The following THADA variants were observed in gnomAD, a reference collection of about 807,000 sequenced individuals.
THADA encodes the protein THADA armadillo repeat containing.
Under a neutral mutation model 219.8 loss-of-function variants are expected in THADA, and 213 were observed. That is an observed-to-expected ratio of 0.97 (90% confidence interval 0.87 to 1.09). THADA has a LOEUF of 1.09. Among genes scored for constraint, THADA ranks in the 50% least tolerant of loss-of-function variants. The pLI is 0.00. For synonymous variants in THADA, 1,018 were observed against 828.9 expected (o/e 1.23, Z -3.92); for missense variants, 2,956 against 2,311.3 (o/e 1.28, Z -5.72).
chr2:43,395,665 A>G (rs899083529), intron 29 of THADA, among the ~76,000 whole-genome samples: 58 of 152,250 alleles, frequency 3.8e-4, no homozygotes, highest in Middle Eastern at 3.2e-3. Flanking sequence ...AGTTTGCCAG[A>G]GGCTACAAGG....
intron 30 of THADA, chr2:43,333,362 G>C (rs1214933027): frequency 2.6e-5 from 4 of 151,968 alleles, no homozygotes; most frequent in African/African-American, 9.7e-5. Flanking sequence ...ATGTGACTTT[G>C]AACAAGCTGT....
At chr2:43,453,142 A>G (rs974295973) in intron 26 of THADA, among the ~76,000 whole-genome samples, 11 of 152,222 alleles carry the variant, frequency 7.2e-5, no homozygotes, top group African/African-American at 2.7e-4. Context: ...TTAAGACACA[A>G]TGCTGTCTAT....
chr2:43,544,555 C>G (rs1395860452), intron 20 of THADA, among the ~76,000 whole-genome samples: 4 of 151,930 alleles, frequency 2.6e-5, no homozygotes, highest in African/African-American at 7.3e-5. Context: ...TTTCATTGAG[C>G]AGTGGTTTGT....
At chr2:43,258,808 C>T (rs1670622389) in intron 36 of THADA, among the ~76,000 whole-genome samples, 1 of 152,178 alleles carries the variant, frequency 6.6e-6, no homozygotes, top group African/African-American at 2.4e-5. Context: ...CAAGTTTTCT[C>T]ATCCATTGGC....
intron 23 of THADA, 45 bp downstream of exon 23, chr2:43,508,602 CA>C: frequency 1.9e-6 from 3 of 1,592,118 alleles, no homozygotes; most frequent in Non-Finnish European, 2.6e-6. Context: ...ACACTATCAT[CA>C]AAAGACAAAT....
chr2:43,299,504 A>T (rs1035145681), intron 31 of THADA, among the ~76,000 whole-genome samples: 5 of 150,550 alleles, frequency 3.3e-5, no homozygotes, highest in African/African-American at 1.2e-4. Flanking sequence ...ACTAAAAAAA[A>T]TACAAAAATT....
At chr2:43,308,362 C>G (rs1298788775) in intron 31 of THADA, among the ~76,000 whole-genome samples, 1 of 151,450 alleles carries the variant, frequency 6.6e-6, no homozygotes, top group Non-Finnish European at 1.5e-5. Context: ...AATGGAATCA[C>G]AGAAAGAAAG....
chr2:43,503,966 T>C (rs1021375337), intron 24 of THADA, among the ~76,000 whole-genome samples: 1 of 152,142 alleles, frequency 6.6e-6, no homozygotes, highest in African/African-American at 2.4e-5. Context: ...CTGAAACTTT[T>C]TAAAGCACGG....
intron 15 of THADA, chr2:43,564,430 T>C (rs1268163988): frequency 6.6e-6 from 1 of 152,290 alleles, no homozygotes; most frequent in African/African-American, 2.4e-5. Context: ...CTCATGCCAA[T>C]CTCTACCTAC....
intron 29 of THADA, among the ~76,000 whole-genome samples, chr2:43,361,165 G>T (rs1019651185): frequency 6.6e-6 from 1 of 152,164 alleles, no homozygotes; most frequent in Admixed American, 6.5e-5. Flanking sequence ...AATGTCAATT[G>T]TGCTGAGGGT....
At position 43,574,926 on chromosome 2, in the gene THADA, T is replaced by C. The variant is rs1699698298; in HGVS notation, c.1139A>G (p.Asp380Gly). Residue 380 changes from aspartate (D) to glycine (G), a missense_variant, in exon 11 of 38, where the codon GAC becomes GGC. Coordinates refer to ENST00000405975, the MANE Select transcript of THADA (RefSeq NM_022065.5). ...VLESSSPSLT[D>G]SLNGNSSIVG... is the part of the protein sequence containing the mutation. ...TATACTTGAATTCCCATTCAGGCTG[T>C]CCGTTAGGCTCGGGGAACTTGATTC... 3 of 1,614,018 alleles carry C rather than the reference T, an allele frequency of 1.9e-6. No homozygotes were observed. In the East Asian group the frequency reaches 6.7e-5, roughly 36 times the overall value.
At chr2:43,470,403 G>A (rs944224715) in intron 26 of THADA, among the ~76,000 whole-genome samples, 4 of 151,762 alleles carry the variant, frequency 2.6e-5, no homozygotes, top group Non-Finnish European at 5.9e-5. Context: ...TTAAAAACTA[G>A]GGGGGAAACG....
intron 16 of THADA, among the ~76,000 whole-genome samples, chr2:43,557,439 TAGTTC>T (rs1488602103): frequency 2.0e-5 from 3 of 152,164 alleles, no homozygotes; most frequent in African/African-American, 7.2e-5. Flanking sequence ...CCTATACAGG[TAGTTC>T]ACTGGAGAAA....
At chr2:43,387,766 G>A (rs995114849) in intron 29 of THADA, among the ~76,000 whole-genome samples, 10 of 152,130 alleles carry the variant, frequency 6.6e-5, no homozygotes, top group African/African-American at 2.2e-4. Flanking sequence ...ATTGCACAAC[G>A]CACACACCCA....
intron 36 of THADA, among the ~76,000 whole-genome samples, chr2:43,251,782 C>T (rs1669830042): frequency 6.6e-6 from 1 of 152,250 alleles, no homozygotes; most frequent in African/African-American, 2.4e-5. Context: ...TACCTCCTCC[C>T]CTATCCTCAT....
intron 21 of THADA, among the ~76,000 whole-genome samples, chr2:43,536,010 G>T (rs949465185): frequency 6.6e-6 from 1 of 152,030 alleles, no homozygotes; most frequent in Non-Finnish European, 1.5e-5. Context: ...TACCATGTTG[G>T]CTAGGATGGT....
At chr2:43,461,732 T>C (rs531162703) in intron 26 of THADA, among the ~76,000 whole-genome samples, 1 of 152,356 alleles carries the variant, frequency 6.6e-6, no homozygotes, top group South Asian at 2.1e-4. Context: ...CCCTAGTATC[T>C]GTGGCATGGC....
intron 19 of THADA, among the ~76,000 whole-genome samples, chr2:43,550,869 T>C (rs1428697638): frequency 6.6e-6 from 1 of 152,206 alleles, no homozygotes; most frequent in Non-Finnish European, 1.5e-5. Flanking sequence ...CTAAGGCCTG[T>C]AATCCCAATG....
At chr2:43,343,044 T>C (rs1007467053) in intron 30 of THADA, 21 of 152,212 alleles carry the variant, frequency 1.4e-4, no homozygotes, top group African/African-American at 4.6e-4. Flanking sequence ...TTATTTATTT[T>C]TGAAACAAGG....
Sources: gnomAD v4.1 joint callset for allele counts (sites outside exome capture counted in the v4.1 genomes callset) on GRCh38, gnomAD v4.1.1 for gene constraint, MANE v1.5 for transcripts, NCBI Gene and HGNC (gene_info 2026-07-23, HGNC 2026-07-21) for gene names.